Variants in CPPED1 observed in about 807,000 individuals in gnomAD.
CPPED1 encodes serine/threonine-protein phosphatase CPPED1.
Under a neutral mutation model 28.0 loss-of-function variants are expected in CPPED1, and 28 were observed. That is an observed-to-expected ratio of 1.00 (90% CI 0.74 to 1.37). CPPED1 has a LOEUF of 1.37. Ranked by LOEUF, CPPED1 falls within the 40% of genes most tolerant of loss-of-function variation. The pLI is 0.00. For synonymous variants in CPPED1, 198 were observed against 180.2 expected (o/e 1.10, Z -0.79); for missense variants, 504 against 416.5 (o/e 1.21, Z -1.83).
At chr16:12,741,300 CTTTT>C (rs11322298) in intron 2 of CPPED1, among the ~76,000 whole-genome samples, 3 of 128,688 alleles carry the variant, frequency 2.3e-5, no homozygotes, top group Non-Finnish European at 5.0e-5. Flanking sequence ...TCTGGCTGCC[CTTTT>C]TTTTTTTTTT....
intron 2 of CPPED1, among the ~76,000 whole-genome samples, chr16:12,757,072 ATGACCAACTAAGTTACAGCACCTTGAGGG>A (rs1567298004): frequency 6.6e-5 from 10 of 152,002 alleles, no homozygotes; most frequent in Non-Finnish European, 1.5e-4. Context: ...CACCTCGAGG[ATGACCAACTAAGTTACAGCACCTTGAGGG>A]TGACCAACTA....
At chr16:12,758,765 T>G (rs565223957) in intron 2 of CPPED1, among the ~76,000 whole-genome samples, 2 of 152,074 alleles carry the variant, frequency 1.3e-5, no homozygotes, top group South Asian at 2.1e-4. Flanking sequence ...TGCCACAAAC[T>G]GGTACTTCTG....
At chr16:12,764,319 T>A (rs1350771813) in intron 2 of CPPED1, among the ~76,000 whole-genome samples, 2 of 152,078 alleles carry the variant, frequency 1.3e-5, no homozygotes, top group Non-Finnish European at 2.9e-5. Context: ...TTCTCGTGCC[T>A]CAGCCTCCCA....
chr16:12,767,886 G>C (rs560658210), intron 2 of CPPED1, among the ~76,000 whole-genome samples: 22 of 152,108 alleles, frequency 1.4e-4, no homozygotes, highest in Non-Finnish European at 2.5e-4. Context: ...GAACCCAGGA[G>C]GAAGGTTGCA....
chr16:12,792,745 G>T (rs142601081), intron 1 of CPPED1, among the ~76,000 whole-genome samples: 1 of 152,116 alleles, frequency 6.6e-6, no homozygotes, highest in East Asian at 1.9e-4. Flanking sequence ...TTTATAAAGC[G>T]CAGTTCCCCT....
intron 2 of CPPED1, chr16:12,759,243 A>G (rs1270193980): frequency 1.3e-5 from 2 of 152,054 alleles, no homozygotes; most frequent in South Asian, 2.1e-4. Context: ...CGGAAATCAC[A>G]TGCAAAACTG....
chr16:12,711,122 G>C (rs2080077749), intron 2 of CPPED1, among the ~76,000 whole-genome samples: 6 of 152,174 alleles, frequency 3.9e-5, no homozygotes. Context: ...GCGAACTGTG[G>C]TATATCCATA....
At chr16:12,779,782 C>T (rs1047711916) in intron 2 of CPPED1, among the ~76,000 whole-genome samples, 3 of 152,216 alleles carry the variant, frequency 2.0e-5, no homozygotes, top group East Asian at 1.9e-4. Flanking sequence ...CAGGGTACCT[C>T]GGCTTCTAAA....
At chr16:12,799,525 C>T (rs2080646596) in intron 1 of CPPED1, among the ~76,000 whole-genome samples, 1 of 152,178 alleles carries the variant, frequency 6.6e-6, no homozygotes, top group Admixed American at 6.5e-5. Flanking sequence ...GAATTACAGG[C>T]GTAAGCCACT....
intron 2 of CPPED1, among the ~76,000 whole-genome samples, chr16:12,747,598 C>G (rs1041687742): frequency 6.6e-6 from 1 of 152,144 alleles, no homozygotes; most frequent in Admixed American, 6.5e-5. Flanking sequence ...AAAACCTACA[C>G]ACAACGAAAA....
rs959851608 is a variant in CPPED1 at position 12,664,258 on chromosome 16, G to A, written c.*628C>T. On this transcript the variant is annotated 3_prime_UTR_variant, in exon 4 of 4. Coordinates refer to ENST00000381774, the MANE Select transcript of CPPED1 (RefSeq NM_018340.3). This position sits in a 1 kb window ranked among gnomAD's most constrained non-coding sequence, Gnocchi z 4.2. ...AAAGGTGACTTTTCTAGGCACCCAG[G>A]AAGGCAAATTTAAGCTCCGAGCTGT... is the stretch of plus-strand genomic sequence containing the variant. 21 of 662,688 alleles carry A rather than the reference G, an allele frequency of 3.2e-5. No individual in the cohort carries two copies. The Admixed American group carries it at 1.0e-3, about 32-fold the overall frequency. The allele number at this position is 662,688 out of a possible 1,614,324, so 41.1% of individuals were successfully genotyped here. A position where few individuals can be genotyped will look rare whatever the true frequency, so the allele number is the denominator to read the frequency against.
At chr16:12,732,749 G>A (rs1179475537) in intron 2 of CPPED1, among the ~76,000 whole-genome samples, 1 of 152,142 alleles carries the variant, frequency 6.6e-6, no homozygotes, top group Non-Finnish European at 1.5e-5. Context: ...TCAAAATTCT[G>A]AGAGAAAAAT....
At chr16:12,681,439 C>T (rs2079904381) in intron 3 of CPPED1, among the ~76,000 whole-genome samples, 1 of 152,116 alleles carries the variant, frequency 6.6e-6, no homozygotes, top group African/African-American at 2.4e-5. Flanking sequence ...TGTAAAAAAT[C>T]AATCTCTGTT....
At chr16:12,772,199 C>T (rs1270028089) in intron 2 of CPPED1, among the ~76,000 whole-genome samples, 3 of 152,116 alleles carry the variant, frequency 2.0e-5, no homozygotes, top group Admixed American at 2.0e-4. Context: ...TTGGCCATGG[C>T]TACTGTTATC....
chr16:12,776,506 C>G lies in CPPED1; in HGVS notation c.289+4679G>C, dbSNP rs540131085. 7.5e-4 allele frequency among the ~76,000 whole-genome samples: 114 copies of G among 152,268 alleles called. 1 individual carries two copies. The South Asian group carries it at 0.023, about 31-fold the overall frequency. ...AGGGACCTGGTGGGAGGTAACTGAACTGGGGGGGTTCTTTCTCATGCTGTT... is the reference window on the plus strand; with the variant it reads ...AGGGACCTGGTGGGAGGTAACTGAAGTGGGGGGGTTCTTTCTCATGCTGTT... On this transcript the variant is annotated intron_variant, in intron 2 of 3. Transcript: ENST00000381774.
intron 1 of CPPED1, among the ~76,000 whole-genome samples, chr16:12,782,551 T>G (rs903632998): frequency 2.6e-5 from 4 of 150,950 alleles, no homozygotes; most frequent in South Asian, 2.1e-4. Flanking sequence ...AGGCTGTTTT[T>G]TTTTTTTTTT....
chr16:12,715,878 C>G (rs1174632289), intron 2 of CPPED1, among the ~76,000 whole-genome samples: 1 of 152,120 alleles, frequency 6.6e-6, no homozygotes, highest in East Asian at 1.9e-4. Flanking sequence ...CCGTATGCAG[C>G]CCAGGATGGC....
chr16:12,801,604 T>C (rs776343620), intron 1 of CPPED1, among the ~76,000 whole-genome samples: 1 of 151,974 alleles, frequency 6.6e-6, no homozygotes, highest in Non-Finnish European at 1.5e-5. Context: ...AGCTTGTAGG[T>C]ATATGCCTCA....
intron 1 of CPPED1, among the ~76,000 whole-genome samples, chr16:12,795,743 C>A (rs914132484): frequency 6.6e-6 from 1 of 152,210 alleles, no homozygotes; most frequent in Non-Finnish European, 1.5e-5. Context: ...ACCCAGGTGA[C>A]CCAGGTGGAG....
Sources: allele counts gnomAD v4.1 joint callset (sites outside exome capture counted in the v4.1 genomes callset), GRCh38; gene constraint gnomAD v4.1.1; non-coding constraint Gnocchi (gnomAD v3.1); transcripts MANE v1.5; gene names NCBI Gene and HGNC (gene_info 2026-07-23, HGNC 2026-07-21).